Variants in PTPRA observed in about 807,000 individuals in gnomAD.
The protein encoded by PTPRA is receptor-type tyrosine-protein phosphatase alpha.
Under a neutral mutation model 104.8 loss-of-function variants are expected in PTPRA, and 25 were observed. The observed-to-expected ratio is 0.24, with a 90% CI of 0.17 to 0.33. The LOEUF (loss-of-function observed/expected upper bound fraction) is 0.33. PTPRA is among the 10% of genes least tolerant of loss of function. PTPRA has a pLI of 1.00. For missense variants in PTPRA, 765 were observed against 1,015.3 expected (o/e 0.75, Z 3.35); for synonymous variants, 323 against 368.9 (o/e 0.88, Z 1.43).
intron 3 of PTPRA, among the ~76,000 whole-genome samples, chr20:2,959,632 G>A (rs67036767): frequency 6.6e-6 from 1 of 151,962 alleles, no homozygotes; most frequent in African/African-American, 2.4e-5. Context: ...GAGAGTTTCA[G>A]GTTCACAGCA....
chr20:2,890,460 C>G (rs114628812), intron 1 of PTPRA, among the ~76,000 whole-genome samples: 7 of 152,042 alleles, frequency 4.6e-5, no homozygotes, highest in African/African-American at 1.7e-4. Context: ...TTAGATAGTG[C>G]GTGGTAAATG....
At chr20:3,014,654 A>AG (rs2064347480) in intron 11 of PTPRA, among the ~76,000 whole-genome samples, 2 of 151,560 alleles carry the variant, frequency 1.3e-5, no homozygotes, top group East Asian at 3.9e-4. Flanking sequence ...AAAAAAAAAA[A>AG]GAAAGTGGCT....
chr20:2,941,657 G>T (rs1385239639), intron 2 of PTPRA, among the ~76,000 whole-genome samples: 2 of 152,166 alleles, frequency 1.3e-5, no homozygotes, highest in African/African-American at 4.8e-5. Flanking sequence ...AATCACCCTT[G>T]TGTGGCCCTA....
intron 20 of PTPRA, among the ~76,000 whole-genome samples, chr20:3,032,275 C>T (rs2148501702): frequency 6.6e-6 from 1 of 152,334 alleles, no homozygotes; most frequent in South Asian, 2.1e-4. Context: ...CCATTCCGTC[C>T]TGCCTGCTCA....
chr20:2,961,063 C>T (rs2061738770), intron 3 of PTPRA, among the ~76,000 whole-genome samples: 1 of 152,072 alleles, frequency 6.6e-6, no homozygotes, highest in Non-Finnish European at 1.5e-5. Context: ...CCAGTCGTGG[C>T]AATTATAAAT....
chr20:2,953,171 A>G (rs2061409263), intron 3 of PTPRA, among the ~76,000 whole-genome samples: 1 of 152,162 alleles, frequency 6.6e-6, no homozygotes, highest in South Asian at 2.1e-4. Flanking sequence ...TCCAACCAGC[A>G]GTGTTCAGGG....
At chr20:2,953,975 T>C (rs2147825944) in intron 3 of PTPRA, among the ~76,000 whole-genome samples, 1 of 151,624 alleles carries the variant, frequency 6.6e-6, no homozygotes, top group African/African-American at 2.4e-5. Context: ...GTGGCACCAT[T>C]CGTATCTCAC....
At chr20:2,881,250 G>T (rs181682822) in intron 1 of PTPRA, among the ~76,000 whole-genome samples, 4,772 of 151,944 alleles carry the variant, frequency 0.031, 129 homozygotes, top group Admixed American at 0.075. Context: ...GGCGGAGTTT[G>T]CAGTGAGCCG....
the PTPRA span, chr20:2,864,458 G>C: frequency 5.6e-6 from 9 of 1,614,154 alleles, no homozygotes; most frequent in Non-Finnish European, 7.6e-6. This position sits in a 1 kb window ranked among gnomAD's most constrained non-coding sequence, Gnocchi z 5.2. Context: ...AGTTTGTACC[G>C]ACAGGTGTGT....
chr20:2,976,897 C>T (rs997979321), intron 6 of PTPRA, among the ~76,000 whole-genome samples: 1 of 152,060 alleles, frequency 6.6e-6, no homozygotes, highest in African/African-American at 2.4e-5. Flanking sequence ...TTTTAATTGT[C>T]AAAGCAAAAA....
intron 1 of PTPRA, among the ~76,000 whole-genome samples, chr20:2,909,744 T>C (rs1479232176): frequency 7.1e-6 from 1 of 141,760 alleles, no homozygotes; most frequent in African/African-American, 2.6e-5. Flanking sequence ...AATTATATAT[T>C]ATATATTACA....
chr20:3,008,584 G>C (rs1600245617), intron 11 of PTPRA, among the ~76,000 whole-genome samples: 1 of 151,888 alleles, frequency 6.6e-6, no homozygotes, highest in South Asian at 2.1e-4. Context: ...TAATGCTACA[G>C]AACTGTACAC....
chr20:2,872,022 T>G (rs945260971), upstream of PTPRA, among the ~76,000 whole-genome samples: 1 of 152,220 alleles, frequency 6.6e-6, no homozygotes, highest in African/African-American at 2.4e-5. The surrounding 1 kb of genome is among the most constrained non-coding windows in gnomAD (Gnocchi z 7.9). Context: ...ATGGACTAAC[T>G]TATTCCACAA....
intron 1 of PTPRA, among the ~76,000 whole-genome samples, chr20:2,875,107 T>C (rs1384226084): frequency 6.6e-6 from 1 of 152,186 alleles, no homozygotes; most frequent in Non-Finnish European, 1.5e-5. Context: ...TTCCAATCTC[T>C]TCTCTCTTAT....
chr20:2,868,478 G>A (rs1479633376), upstream of PTPRA, among the ~76,000 whole-genome samples: 4 of 151,474 alleles, frequency 2.6e-5, no homozygotes, highest in East Asian at 7.8e-4. Context: ...TCCACCTCCT[G>A]ATAGGGAGTA....
intron 1 of PTPRA, among the ~76,000 whole-genome samples, chr20:2,890,786 C>G (rs573866746): frequency 6.6e-6 from 1 of 152,304 alleles, no homozygotes; most frequent in African/African-American, 2.4e-5. Flanking sequence ...CCTCAGTTCC[C>G]TAGGCCCCTC....
Position 2,886,895 on chromosome 20 carries a change from A to T in PTPRA, c.-129+13135A>T, listed in dbSNP as rs575985061. 6.1e-3 allele frequency among the ~76,000 whole-genome samples: 751 copies of T among 122,430 alleles called. 5 individuals are homozygous for T. The highest frequency in any genetic ancestry group is 0.019 in the African/African-American group (716 of 37,238). 80.3% of individuals were successfully genotyped at this position (122,430 alleles called of 152,430 possible). ...GAAAAGAAAAAAAAGAAAAAGAAATAAAAAAATGTAGTATCTTTGATTAAT... is the reference window on the plus strand; with the variant it reads ...GAAAAGAAAAAAAAGAAAAAGAAATTAAAAAATGTAGTATCTTTGATTAAT... On this transcript the variant is annotated intron_variant, in intron 1 of 23. Transcript: ENST00000399903.
At position 3,035,377 on chromosome 20, in the gene PTPRA, C is replaced by T. The variant is rs560991695; in HGVS notation, c.1921-208C>T. 7.2e-5 allele frequency among the ~76,000 whole-genome samples: 11 copies of T among 152,266 alleles called. No homozygotes were observed. The highest frequency in any genetic ancestry group is 1.2e-4 in the Non-Finnish European group (8 of 68,022). ...TGTAGTCAGAGTCCTTTACAGACCCCGGCAGTGTTTTAGATGGTCTCTGGT... is the reference window on the plus strand; with the variant it reads ...TGTAGTCAGAGTCCTTTACAGACCCTGGCAGTGTTTTAGATGGTCTCTGGT... On this transcript the variant is annotated intron_variant, in intron 20 of 23. Transcript: ENST00000399903. The surrounding 1 kb of genome is among the most constrained non-coding windows in gnomAD (Gnocchi z 5.8).
intron 2 of PTPRA, among the ~76,000 whole-genome samples, chr20:2,927,250 G>A (rs1367513436): frequency 6.6e-6 from 1 of 152,126 alleles, no homozygotes; most frequent in East Asian, 1.9e-4. Flanking sequence ...TTCACTGTCA[G>A]GCCAGGCAGC....
Sources: gnomAD v4.1 joint callset for allele counts (sites outside exome capture counted in the v4.1 genomes callset) on GRCh38, gnomAD v4.1.1 for gene constraint, Gnocchi (gnomAD v3.1) non-coding constraint, MANE v1.5 for transcripts, NCBI Gene and HGNC (gene_info 2026-07-23, HGNC 2026-07-21) for gene names.